Variants in KCNH1 observed in about 807,000 individuals in gnomAD.
KCNH1 encodes potassium voltage-gated channel subfamily H member 1.
Under a neutral mutation model 69.2 loss-of-function variants are expected in KCNH1, and 27 were observed. That is an observed-to-expected ratio of 0.39 (90% CI 0.29 to 0.54). KCNH1 has a LOEUF of 0.54. Ranked by LOEUF, KCNH1 falls within the 20% of genes least tolerant of loss-of-function variation. The probability of loss-of-function intolerance (pLI) is 0.68; values close to 1 mark genes in which losing one functional copy is unlikely to be tolerated. For synonymous variants in KCNH1, 456 were observed against 487.7 expected (o/e 0.93, Z 0.86); for missense variants, 798 against 1,261.6 (o/e 0.63, Z 5.57).
At chr1:210,864,321 T>G (rs1686055594) in intron 7 of KCNH1, among the ~76,000 whole-genome samples, 1 of 152,162 alleles carries the variant, frequency 6.6e-6, no homozygotes. Context: ...TAGGAGAGAC[T>G]AAGGCATTGC....
At chr1:211,030,305 T>C (rs1471840599) in intron 5 of KCNH1, among the ~76,000 whole-genome samples, 1 of 152,218 alleles carries the variant, frequency 6.6e-6, no homozygotes, top group Non-Finnish European at 1.5e-5. Context: ...TCAATTATAC[T>C]TCAATAAAGC....
chr1:210,821,384 T>C (rs187016352), intron 7 of KCNH1, among the ~76,000 whole-genome samples: 37 of 152,344 alleles, frequency 2.4e-4, no homozygotes, highest in Non-Finnish European at 3.7e-4. Context: ...TCCACTCATG[T>C]AGACCATTCC....
chr1:211,099,556 C>T (rs1191987489), intron 3 of KCNH1, among the ~76,000 whole-genome samples: 1 of 152,158 alleles, frequency 6.6e-6, no homozygotes, highest in Non-Finnish European at 1.5e-5. Context: ...TCCTTCCTCC[C>T]CTCCGCCCCA....
chr1:211,128,340 T>C (rs1019932488), intron 1 of KCNH1, among the ~76,000 whole-genome samples: 1 of 145,736 alleles, frequency 6.9e-6, no homozygotes. Context: ...TGCAACAACA[T>C]AGAGGAATTG....
intron 10 of KCNH1, among the ~76,000 whole-genome samples, chr1:210,766,517 G>A (rs546651710): frequency 1.1e-4 from 16 of 152,176 alleles, no homozygotes; most frequent in African/African-American, 3.6e-4. Flanking sequence ...AAGATTGAGG[G>A]GGGGTGGGGA....
intron 2 of KCNH1, among the ~76,000 whole-genome samples, chr1:211,104,532 T>G (rs1304473176): frequency 6.6e-6 from 1 of 152,196 alleles, no homozygotes; most frequent in Non-Finnish European, 1.5e-5. Flanking sequence ...GAATCTGGTC[T>G]AAAAATCATG....
At chr1:210,818,801 T>G (rs1381230189) in intron 7 of KCNH1, among the ~76,000 whole-genome samples, 1 of 152,188 alleles carries the variant, frequency 6.6e-6, no homozygotes, top group Non-Finnish European at 1.5e-5. Context: ...GGAACGACAA[T>G]GACTATTGTT....
chr1:210,899,310 G>A (rs1453202380), intron 7 of KCNH1, among the ~76,000 whole-genome samples: 5 of 152,144 alleles, frequency 3.3e-5, no homozygotes, highest in South Asian at 2.1e-4. Context: ...CATTAAGGTA[G>A]GGTCAAAAAG....
intron 10 of KCNH1, among the ~76,000 whole-genome samples, chr1:210,713,110 TCTC>T (rs896459690): frequency 3.3e-5 from 5 of 152,206 alleles, no homozygotes; most frequent in African/African-American, 9.6e-5. Flanking sequence ...AAGTTTTTCT[TCTC>T]TACCTTGGTT....
chr1:211,062,941 C>T (rs1332837221), intron 5 of KCNH1, among the ~76,000 whole-genome samples: 2 of 152,196 alleles, frequency 1.3e-5, no homozygotes, highest in African/African-American at 4.8e-5. Context: ...TATGATCCAG[C>T]AATCCCACCT....
intron 10 of KCNH1, among the ~76,000 whole-genome samples, chr1:210,760,860 A>T (rs1683501921): frequency 6.6e-6 from 1 of 152,118 alleles, no homozygotes; most frequent in South Asian, 2.1e-4. Context: ...TGATTCAATT[A>T]CCTCCCTCCA....
chr1:210,900,102 A>T (rs1686962904), intron 7 of KCNH1, among the ~76,000 whole-genome samples: 1 of 152,228 alleles, frequency 6.6e-6, no homozygotes, highest in Admixed American at 6.5e-5. Flanking sequence ...AACAAGGTAA[A>T]CTCAATTCTT....
intron 7 of KCNH1, among the ~76,000 whole-genome samples, chr1:210,907,664 C>A (rs1031503498): frequency 6.6e-6 from 1 of 152,172 alleles, no homozygotes; most frequent in African/African-American, 2.4e-5. Flanking sequence ...AACTACAGAG[C>A]TTCTGCATGT....
intron 1 of KCNH1, among the ~76,000 whole-genome samples, chr1:211,125,593 T>A (rs73075420): frequency 0.034 from 5,145 of 152,284 alleles, 260 homozygotes; most frequent in African/African-American, 0.12. Flanking sequence ...CCATAGATAA[T>A]TATCAGTAAA....
chr1:210,813,202 G>A (rs1684742940), intron 7 of KCNH1, among the ~76,000 whole-genome samples: 1 of 152,156 alleles, frequency 6.6e-6, no homozygotes, highest in African/African-American at 2.4e-5. Flanking sequence ...ACCTAGAACA[G>A]TAACCTGAAT....
intron 6 of KCNH1, among the ~76,000 whole-genome samples, chr1:210,928,649 A>G (rs375224855): frequency 6.6e-6 from 1 of 152,128 alleles, no homozygotes; most frequent in East Asian, 1.9e-4. Context: ...ACAGAACTGC[A>G]TAAACAAGAA....
At chr1:210,852,413 G>A (rs1432142806) in intron 7 of KCNH1, among the ~76,000 whole-genome samples, 2 of 152,210 alleles carry the variant, frequency 1.3e-5, no homozygotes, top group Admixed American at 6.5e-5. Flanking sequence ...CACATAGTAG[G>A]CCCTCAGTCA....
intron 9 of KCNH1, among the ~76,000 whole-genome samples, chr1:210,776,669 A>G (rs1396024523): frequency 6.6e-6 from 1 of 152,200 alleles, no homozygotes; most frequent in Admixed American, 6.5e-5. Context: ...TCAGACTTCC[A>G]GCTTCCAGAA....
intron 7 of KCNH1, among the ~76,000 whole-genome samples, chr1:210,917,229 G>GAAAGAAAGAAAGAA (rs1553359735): frequency 2.3e-3 from 185 of 78,852 alleles, no homozygotes; most frequent in Middle Eastern, 6.9e-3. Flanking sequence ...GAGAGAGAGA[G>GAAAGAAAGAAAGAA]AGAAAGAAAG....
Sources: gnomAD v4.1 joint callset for allele counts (sites outside exome capture counted in the v4.1 genomes callset) on GRCh38, gnomAD v4.1.1 for gene constraint, MANE v1.5 for transcripts, NCBI Gene and HGNC (gene_info 2026-07-23, HGNC 2026-07-21) for gene names.